KHDRBS2: variants seen among roughly 807,000 people sequenced by gnomAD.
KHDRBS2 encodes KH domain-containing, RNA-binding, signal transduction-associated protein 2.
KHDRBS2 carries 26 observed loss-of-function variants against 44.3 expected under a neutral mutation model. The observed-to-expected ratio is 0.59, with a 90% CI of 0.43 to 0.81. The LOEUF (loss-of-function observed/expected upper bound fraction) is 0.81, where lower values mean the gene tolerates loss of function less well. KHDRBS2 is among the 40% of genes least tolerant of loss of function. KHDRBS2 has a pLI of 0.00. For missense variants in KHDRBS2, 476 were observed against 433.1 expected (o/e 1.10, Z -0.88); for synonymous variants, 194 against 151.1 (o/e 1.28, Z -2.08).
chr6:61,592,466 T>C, the KHDRBS2 span, among the ~76,000 whole-genome samples: 2 of 152,032 alleles, frequency 1.3e-5, no homozygotes, highest in Non-Finnish European at 2.9e-5. Flanking sequence ...AAAGAATAGA[T>C]GGAAGCCTGT....
At chr6:62,073,530 C>CTTTTTTTTTTTTTTTTTT (rs60124030) in intron 2 of KHDRBS2, among the ~76,000 whole-genome samples, 7 of 124,400 alleles carry the variant, frequency 5.6e-5, no homozygotes, top group Non-Finnish European at 8.4e-5. Flanking sequence ...TTTCTTTTTT[C>CTTTTTTTTTTTTTTTTTT]TTTTTTTTTT....
chr6:61,942,059 C>T (rs1252506051), intron 4 of KHDRBS2, among the ~76,000 whole-genome samples: 1 of 151,904 alleles, frequency 6.6e-6, no homozygotes, highest in Non-Finnish European at 1.5e-5. Context: ...CTCCTGGGCT[C>T]AATCAATCCT....
chr6:61,787,208 A>C (rs987437861), intron 6 of KHDRBS2, among the ~76,000 whole-genome samples: 3 of 151,550 alleles, frequency 2.0e-5, no homozygotes, highest in Non-Finnish European at 4.4e-5. Context: ...TTTGGCTATT[A>C]TAAAAAATGC....
At chr6:61,652,739 G>A in the KHDRBS2 span, among the ~76,000 whole-genome samples, 1 of 152,040 alleles carries the variant, frequency 6.6e-6, no homozygotes, top group Non-Finnish European at 1.5e-5. Flanking sequence ...ACCACCCAGA[G>A]CTGTGTCCTG....
chr6:61,979,990 C>T (rs1237559779), intron 3 of KHDRBS2, among the ~76,000 whole-genome samples: 1 of 152,070 alleles, frequency 6.6e-6, no homozygotes, highest in Non-Finnish European at 1.5e-5. Flanking sequence ...ATTTTCAACT[C>T]TATTAAGCAA....
chr6:62,073,093 T>C (rs1368359038), intron 2 of KHDRBS2, among the ~76,000 whole-genome samples: 2 of 152,050 alleles, frequency 1.3e-5, no homozygotes, highest in Non-Finnish European at 2.9e-5. Flanking sequence ...TCGAGGAATT[T>C]ATCCGGAAAG....
chr6:61,856,611 T>C (rs1796192614), intron 6 of KHDRBS2, among the ~76,000 whole-genome samples: 1 of 152,102 alleles, frequency 6.6e-6, no homozygotes, highest in Non-Finnish European at 1.5e-5. Context: ...AGTTTTATTT[T>C]GCAGAGTTTC....
At chr6:61,956,225 T>G (rs1767261425) in intron 4 of KHDRBS2, among the ~76,000 whole-genome samples, 1 of 152,026 alleles carries the variant, frequency 6.6e-6, no homozygotes, top group Non-Finnish European at 1.5e-5. Context: ...ACAGACACTC[T>G]TTATGTTCAA....
At chr6:61,876,010 G>T (rs1209675664) in intron 6 of KHDRBS2, among the ~76,000 whole-genome samples, 2 of 151,974 alleles carry the variant, frequency 1.3e-5, no homozygotes, top group Admixed American at 1.3e-4. Flanking sequence ...CATAGAAAAA[G>T]ACATTATTTA....
chr6:62,202,777 G>C, intron 1 of KHDRBS2, among the ~76,000 whole-genome samples: 1 of 152,100 alleles, frequency 6.6e-6, no homozygotes, highest in Non-Finnish European at 1.5e-5. Context: ...CAGTGAATGG[G>C]TTCAGTCTAT....
At chr6:62,187,909 A>T (rs1039759376) in intron 1 of KHDRBS2, among the ~76,000 whole-genome samples, 1 of 152,026 alleles carries the variant, frequency 6.6e-6, no homozygotes, top group African/African-American at 2.4e-5. Context: ...TTGGCTCATG[A>T]TTGTCAGCAG....
chr6:61,949,308 T>C (rs1272325235), intron 4 of KHDRBS2, among the ~76,000 whole-genome samples: 1 of 152,142 alleles, frequency 6.6e-6, no homozygotes, highest in African/African-American at 2.4e-5. Flanking sequence ...GGAGGTTTAT[T>C]AGCCTCCTGC....
At chr6:61,797,522 G>T (rs4710493) in intron 6 of KHDRBS2, among the ~76,000 whole-genome samples, 1 of 151,826 alleles carries the variant, frequency 6.6e-6, no homozygotes, top group Non-Finnish European at 1.5e-5. Flanking sequence ...CAAGTACCAG[G>T]CCTCTGCAAA....
chr6:62,284,003 G>A (rs1842141425), intron 1 of KHDRBS2, among the ~76,000 whole-genome samples: 1 of 152,022 alleles, frequency 6.6e-6, no homozygotes, highest in Non-Finnish European at 1.5e-5. Context: ...TACAAAAGCA[G>A]GGCATGCTTC....
intron 1 of KHDRBS2, among the ~76,000 whole-genome samples, chr6:62,193,014 A>G (rs1418005020): frequency 6.6e-6 from 1 of 152,090 alleles, no homozygotes; most frequent in Admixed American, 6.6e-5. Context: ...GCTTAAATAT[A>G]AATTGGAAGG....
At position 61,765,321 on chromosome 6, in the gene KHDRBS2, C is replaced by T. The variant is rs1477948753; in HGVS notation, c.811-32557G>A. 1.1e-4 allele frequency among the ~76,000 whole-genome samples: 17 copies of T among 152,126 alleles called. No homozygotes were observed. The East Asian group carries it at 1.9e-3, about 17-fold the overall frequency. ...AGTTAAAATTAGCTGAATATGGTGA[C>T]GTATACCTCTAGTACTAGCTACTCA... On this transcript the variant is annotated intron_variant, in intron 6 of 8. Coordinates refer to ENST00000281156, the MANE Select transcript of KHDRBS2 (RefSeq NM_152688.4).
At chr6:61,956,620 A>T (rs1161974928) in intron 4 of KHDRBS2, among the ~76,000 whole-genome samples, 1 of 152,020 alleles carries the variant, frequency 6.6e-6, no homozygotes, top group African/African-American at 2.4e-5. Flanking sequence ...AAAAGGCCAC[A>T]AGGGGTTAAT....
intron 1 of KHDRBS2, among the ~76,000 whole-genome samples, chr6:62,201,643 C>T (rs919356223): frequency 1.3e-5 from 2 of 151,968 alleles, no homozygotes; most frequent in Non-Finnish European, 1.5e-5. Context: ...GTTTCACTTT[C>T]GCTTTGGAAA....
At chr6:61,643,231 G>A in the KHDRBS2 span, among the ~76,000 whole-genome samples, 1 of 152,106 alleles carries the variant, frequency 6.6e-6, no homozygotes, top group Non-Finnish European at 1.5e-5. Context: ...CTGGGAATGA[G>A]AAAGGAAATT....
Sources: allele counts gnomAD v4.1 joint callset (sites outside exome capture counted in the v4.1 genomes callset), GRCh38; gene constraint gnomAD v4.1.1; transcripts MANE v1.5; gene names NCBI Gene and HGNC (gene_info 2026-07-23, HGNC 2026-07-21).